ZNF821: variants seen among roughly 807,000 people sequenced by gnomAD.
ZNF821 encodes the protein zinc finger protein 821.
In ZNF821, 16 loss-of-function variants were observed where a neutral mutation model predicts 44.3. The observed-to-expected ratio is 0.36, with a 90% confidence interval of 0.24 to 0.55. The LOEUF (loss-of-function observed/expected upper bound fraction) is 0.55, where lower values mean the gene tolerates loss of function less well. ZNF821 is among the 20% of genes least tolerant of loss of function. The pLI is 0.86. For synonymous variants in ZNF821, 204 were observed against 197.6 expected (o/e 1.03, Z -0.27); for missense variants, 436 against 547.6 (o/e 0.80, Z 2.03).
chr16:71,892,719 G>A (rs2036895715), intron 1 of ZNF821, among the ~76,000 whole-genome samples: 1 of 148,326 alleles, frequency 6.7e-6, no homozygotes. Flanking sequence ...TTATAGGCAC[G>A]AGCCACAAAC....
chr16:71,879,986 C>A lies in ZNF821; in HGVS notation c.-40G>T, dbSNP rs552085126. ...AGAGCTCTGGTCTTTCCCAGTTTCA[C>A]GACTGGATATGTTACTACCTCCTTG... On this transcript the variant is annotated 5_prime_UTR_variant, in exon 3 of 8. Transcript: ENST00000425432. 1.2e-6 allele frequency: 2 copies of A among 1,603,526 alleles called. No homozygotes were observed. The highest frequency in any genetic ancestry group is 2.2e-5 in the East Asian group (1 of 44,686).
intron 5 of ZNF821, 156 bp downstream of exon 5, chr16:71,864,747 C>T (rs911674559): frequency 1.2e-6 from 1 of 845,674 alleles, no homozygotes; most frequent in Non-Finnish European, 1.8e-6. Flanking sequence ...AACTGAGAGT[C>T]TGAGGTGTGG....
intron 3 of ZNF821, among the ~76,000 whole-genome samples, chr16:71,877,905 G>C (rs2035997522): frequency 6.8e-6 from 1 of 147,938 alleles, no homozygotes. Context: ...GGGCAACAGA[G>C]CAACACCTCA....
At chr16:71,878,722 G>C (rs918825796) in intron 3 of ZNF821, among the ~76,000 whole-genome samples, 1 of 152,034 alleles carries the variant, frequency 6.6e-6, no homozygotes. Context: ...CTGAGGTCAG[G>C]AGTTCAAGGC....
chr16:71,885,714 A>G (rs1345723630), upstream of ZNF821, among the ~76,000 whole-genome samples: 1 of 152,200 alleles, frequency 6.6e-6, no homozygotes, highest in African/African-American at 2.4e-5. Flanking sequence ...GTCCTTCACA[A>G]TTCTGTGATA....
At position 71,859,747 on chromosome 16, in the gene ZNF821, C is replaced by T; in HGVS notation, c.*271G>A. On this transcript the variant is annotated 3_prime_UTR_variant, in exon 8 of 8. Transcript: ENST00000425432. Reference sequence around the variant, plus strand: ...TGGGCCACACAGGGGCCCCACAGTCCTAGAAGCACAGCCTGTGGCAGTGGG... The same window carrying T: ...TGGGCCACACAGGGGCCCCACAGTCTTAGAAGCACAGCCTGTGGCAGTGGG... 1 of 483,388 alleles carries T rather than the reference C, an allele frequency of 2.1e-6. No homozygotes were observed. The highest frequency in any genetic ancestry group is 3.6e-6 in the Non-Finnish European group (1 of 274,768). 29.9% of individuals were successfully genotyped at this position (483,388 alleles called of 1,614,324 possible). A position where few individuals can be genotyped will look rare whatever the true frequency, so the allele number is the denominator to read the frequency against.
At chr16:71,873,386 C>T (rs966532774) in intron 3 of ZNF821, among the ~76,000 whole-genome samples, 1 of 151,610 alleles carries the variant, frequency 6.6e-6, no homozygotes. Flanking sequence ...AGGTCTAACA[C>T]AGATTTCAGC....
At chr16:71,865,705 C>T (rs569394168) in intron 4 of ZNF821, among the ~76,000 whole-genome samples, 38 of 152,314 alleles carry the variant, frequency 2.5e-4, no homozygotes, top group African/African-American at 8.4e-4. Context: ...TCTTACTCTA[C>T]TATTGTAACA....
rs1205938865 is a variant in ZNF821 at position 71,864,498 on chromosome 16, G to A, written c.313-256C>T. 2.0e-5 allele frequency among the ~76,000 whole-genome samples: 3 copies of A among 152,196 alleles called. No homozygotes were observed. In the East Asian group the frequency reaches 5.8e-4, roughly 29 times the overall value. ...GATAAACTCTGCAGACAGGGGTAGC[G>A]TTTTTCCTGTCATGTTCCTTTCAGG... On this transcript the variant is annotated intron_variant, in intron 5 of 7. Coordinates refer to ENST00000425432, the MANE Select transcript of ZNF821 (RefSeq NM_001201552.2).
rs190350351 is a variant in ZNF821, at chr16:71,878,420, A to G, written c.40+1487T>C. ...GTGCAAGCCACCGCGCCCGGCCACTATTTGTCTTTTTAACGAACATTTGGG... is the reference window on the plus strand; with the variant it reads ...GTGCAAGCCACCGCGCCCGGCCACTGTTTGTCTTTTTAACGAACATTTGGG... On this transcript the variant is annotated intron_variant, in intron 3 of 7. Transcript: ENST00000425432. Among the ~76,000 whole-genome samples the G allele has an allele frequency of 4.0e-5, 6 of 151,860 alleles. No individual in the cohort carries two copies. In the East Asian group the frequency reaches 7.8e-4, roughly 20 times the overall value.
At chr16:71,886,979 T>C (rs2036860780), upstream of ZNF821, among the ~76,000 whole-genome samples, 1 of 152,204 alleles carries the variant, frequency 6.6e-6, no homozygotes. Flanking sequence ...ACTTAATAGG[T>C]TTTCAAGGTT....
At chr16:71,865,136 G>GAA in intron 4 of ZNF821, 88 bp from the exon 5 acceptor site, 1 of 1,519,512 alleles carries the variant, frequency 6.6e-7, no homozygotes, top group South Asian at 1.2e-5. Context: ...AGTTACAATA[G>GAA]AAAACATTTT....
Position 71,859,983 on chromosome 16 carries a change from G to A in ZNF821, c.*35C>T. The A allele has an allele frequency of 6.6e-7, 1 of 1,524,062 alleles. No homozygotes were observed. 94.4% of individuals were successfully genotyped at this position (1,524,062 alleles called of 1,614,324 possible). A position where few individuals can be genotyped will look rare whatever the true frequency, so the allele number is the denominator to read the frequency against. On this transcript the variant is annotated 3_prime_UTR_variant, in exon 8 of 8. Coordinates refer to ENST00000425432, the MANE Select transcript of ZNF821 (RefSeq NM_001201552.2). ...GCTGTGGGTGTGGGTGGGTGGGTAG[G>A]TAGGTGGGAAGGAGGGCAGGCAGGA...
chr16:71,868,509 A>C (rs1355112295), intron 3 of ZNF821, among the ~76,000 whole-genome samples: 6 of 152,152 alleles, frequency 3.9e-5, no homozygotes, highest in Non-Finnish European at 5.9e-5. Context: ...TCATCCTTCT[A>C]AATAACAATC....
chr16:71,895,027 T>G, exon 1 of ZNF821: 1 of 519,846 alleles, frequency 1.9e-6, no homozygotes, highest in Non-Finnish European at 3.4e-6. Flanking sequence ...TTAGAGCCCG[T>G]AGAGGGACAC....
chr16:71,860,431 G>A lies in ZNF821; in HGVS notation c.826C>T (p.Arg276Ter), dbSNP rs2033709884. Reference protein sequence around the residue: ...PLEVRLQRLERERTAKKSRRD... With the variant: ...PLEVRLQRLE ...CGGCTCTTCTTGGCCGTGCGCTCTC[G>A]TTCCAGCCGCTGCAGCCGTACTTCC... The change falls in exon 8 of 8, where the codon CGA becomes TGA. Residue 276 changes from arginine (R) to a stop codon, truncating the protein, a stop_gained. Transcript: ENST00000425432. LOFTEE classifies it high-confidence loss of function. This position sits in a 1 kb window ranked among gnomAD's most constrained non-coding sequence, Gnocchi z 7.3. 2 of 1,613,536 alleles carry A rather than the reference G, an allele frequency of 1.2e-6. No homozygotes were observed. The highest frequency in any genetic ancestry group is 8.5e-7 in the Non-Finnish European group (1 of 1,180,028).
intron 4 of ZNF821, among the ~76,000 whole-genome samples, chr16:71,866,915 T>G (rs1009063072): frequency 2.6e-5 from 4 of 152,204 alleles, no homozygotes; most frequent in Admixed American, 6.6e-5. Context: ...ATTGGAAAAG[T>G]CATTCTGAAT....
intron 3 of ZNF821, among the ~76,000 whole-genome samples, chr16:71,869,791 T>C (rs1447558110): frequency 6.6e-6 from 1 of 152,078 alleles, no homozygotes; most frequent in Non-Finnish European, 1.5e-5. Flanking sequence ...GTGTGCACCA[T>C]CATGCCTGGC....
intron 3 of ZNF821, among the ~76,000 whole-genome samples, chr16:71,878,706 G>A (rs377327022): frequency 2.6e-5 from 4 of 152,076 alleles, no homozygotes; most frequent in Non-Finnish European, 4.4e-5. Context: ...GAGGTGGCCA[G>A]ATCACCTGAG....
Sources: allele counts gnomAD v4.1 joint callset (sites outside exome capture counted in the v4.1 genomes callset), GRCh38; gene constraint gnomAD v4.1.1; non-coding constraint Gnocchi (gnomAD v3.1); transcripts MANE v1.5; gene names NCBI Gene and HGNC (gene_info 2026-07-23, HGNC 2026-07-21).